ZNF131: variants seen among roughly 807,000 people sequenced by gnomAD.
ZNF131 encodes the protein zinc finger protein 131.
In ZNF131, 7 loss-of-function variants were observed where a neutral mutation model predicts 60.0. The observed-to-expected ratio is 0.12, with a 90% confidence interval of 0.07 to 0.22. The LOEUF (loss-of-function observed/expected upper bound fraction) is 0.22, where lower values mean the gene tolerates loss of function less well. ZNF131 is among the 10% of genes least tolerant of loss of function. The pLI, the probability that ZNF131 is intolerant of heterozygous loss-of-function variation, is 1.00. For synonymous variants in ZNF131, 257 were observed against 253.2 expected (o/e 1.01, Z -0.14); for missense variants, 493 against 740.9 (o/e 0.67, Z 3.88).
chr5:43,123,080 A>G (rs1190609576), intron 2 of ZNF131, 129 bp from the exon 3 acceptor site: 16 of 639,782 alleles, frequency 2.5e-5, no homozygotes, highest in South Asian at 1.3e-4. Context: ...ATTTAGTTCA[A>G]TAATTTCTGT....
Position 43,174,847 on chromosome 5 carries a change from G to A in ZNF131, c.1586G>A (p.Arg529Gln), listed in dbSNP as rs749145620. Residue 529 changes from arginine to glutamine, a missense_variant, in exon 7 of 7, where the codon CGA (arginine) becomes CAA (glutamine). Arg to Gln is a conservative substitution (Grantham distance 43). Around this residue, in one of 7 missense-constraint regions of ZNF131, gnomAD observed 202 missense variants for 221.3 expected, o/e 0.91. Transcript: ENST00000682664. ...QVQVSYLEVG[R>Q]IQTEEGTEVH... The stretch of plus-strand genomic sequence containing the variant: ...CAAGTGAGTTATCTAGAAGTGGGCC[G>A]AATTCAGACTGAAGAAGGTACTGAA... 2.8e-5 allele frequency: 46 copies of A among 1,614,110 alleles called. No homozygotes were observed. Among genetic ancestry groups the A allele is most frequent in the Non-Finnish European group, 3.6e-5 (42 of 1,180,020 alleles).
intron 3 of ZNF131, among the ~76,000 whole-genome samples, chr5:43,134,560 A>G (rs947144740): frequency 2.0e-5 from 3 of 152,184 alleles, no homozygotes; most frequent in South Asian, 2.1e-4. Flanking sequence ...GAAGGAATCA[A>G]TCTCTTTTTG....
chr5:43,172,617 C>CAAAAA (rs36072959), intron 5 of ZNF131, among the ~76,000 whole-genome samples: 1 of 131,114 alleles, frequency 7.6e-6, no homozygotes, highest in Non-Finnish European at 1.6e-5. Context: ...GTAAGACTCT[C>CAAAAA]AAAAAAAAAA....
chr5:43,121,943 A>G, intron 1 of ZNF131, 96 bp from the exon 2 acceptor site: 1 of 1,318,384 alleles, frequency 7.6e-7, no homozygotes, highest in Non-Finnish European at 1.0e-6. Context: ...CCTTCTTTTC[A>G]CGTTGCTGGT....
At chr5:43,130,249 G>GTTC (rs1745130298) in intron 3 of ZNF131, among the ~76,000 whole-genome samples, 1 of 71,712 alleles carries the variant, frequency 1.4e-5, no homozygotes, top group Non-Finnish European at 2.9e-5. Flanking sequence ...GAGCGATAGA[G>GTTC]TAAGACTCTG....
At chr5:43,152,401 G>C (rs1404954446) in intron 4 of ZNF131, among the ~76,000 whole-genome samples, 1 of 152,110 alleles carries the variant, frequency 6.6e-6, no homozygotes, top group African/African-American at 2.4e-5. Context: ...TGGTAGTGGA[G>C]CATGGTGTTT....
At chr5:43,158,802 C>T (rs929533571) in intron 4 of ZNF131, among the ~76,000 whole-genome samples, 2 of 151,606 alleles carry the variant, frequency 1.3e-5, no homozygotes, top group Non-Finnish European at 2.9e-5. Context: ...CCCTCAAATC[C>T]GATCAGTTGC....
intron 4 of ZNF131, among the ~76,000 whole-genome samples, chr5:43,152,697 T>G (rs6884303): frequency 6.6e-6 from 1 of 151,984 alleles, no homozygotes; most frequent in Admixed American, 6.5e-5. Flanking sequence ...GCTGTAACTT[T>G]CCAGGCTCAG....
At chr5:43,153,595 C>T (rs1293053027) in intron 4 of ZNF131, among the ~76,000 whole-genome samples, 5 of 151,576 alleles carry the variant, frequency 3.3e-5, no homozygotes, top group Non-Finnish European at 5.9e-5. Flanking sequence ...TAAGCGAGAT[C>T]GTGCCATTGC....
At chr5:43,124,168 A>G (rs1464167331) in intron 3 of ZNF131, 1 of 152,194 alleles carries the variant, frequency 6.6e-6, no homozygotes, top group Non-Finnish European at 1.5e-5. Flanking sequence ...CAGGCTCTAA[A>G]AGGTTACTTG....
chr5:43,171,970 G>T (rs1048730652), intron 5 of ZNF131, among the ~76,000 whole-genome samples: 4 of 152,116 alleles, frequency 2.6e-5, no homozygotes, highest in African/African-American at 7.2e-5. Flanking sequence ...TGCCCAGGCT[G>T]TTCCCGTCAA....
rs753051833 is a variant in ZNF131, at chr5:43,175,329, A to G, written c.*196A>G. 29 of 684,972 alleles carry G rather than the reference A, an allele frequency of 4.2e-5. No individual in the cohort carries two copies. Among genetic ancestry groups the G allele is most frequent in the Non-Finnish European group, 6.9e-5 (27 of 392,880 alleles). 42.4% of individuals were successfully genotyped at this position (684,972 alleles called of 1,614,324 possible). The stretch of plus-strand genomic sequence containing the variant: ...TTGCCACAGAGGAGGGATCTTTTCC[A>G]TAACTGAAGGGGAGTTTTGAGAAGT... On this transcript the variant is annotated 3_prime_UTR_variant, in exon 7 of 7. Transcript: ENST00000682664.
At chr5:43,121,322 C>G (rs577028104) in intron 1 of ZNF131, among the ~76,000 whole-genome samples, 199 bp downstream of exon 1, 6 of 152,312 alleles carry the variant, frequency 3.9e-5, no homozygotes, top group African/African-American at 1.4e-4. Flanking sequence ...TCTGGCCCTG[C>G]CAGGCTCTGC....
Position 43,163,034 on chromosome 5 carries a change from C to T in ZNF131, c.1054+1103C>T, listed in dbSNP as rs1422785179. ...TTGCCCAGGCTGGAGTGCAGTGGCA[C>T]GATCTTGGCTCACTGTAACCTCCGC... is the stretch of plus-strand genomic sequence containing the variant. On this transcript the variant is annotated intron_variant, in intron 5 of 6. Transcript: ENST00000682664. Among the ~76,000 whole-genome samples the T allele has an allele frequency of 7.3e-5, 9 of 123,040 alleles. No homozygotes were observed. The East Asian group carries it at 2.2e-3, about 30-fold the overall frequency. The allele number at this position is 123,040 out of a possible 152,430, so 80.7% of individuals were successfully genotyped here.
At chr5:43,139,113 G>A in intron 3 of ZNF131, 52 bp from the exon 4 acceptor site, 2 of 1,382,252 alleles carry the variant, frequency 1.4e-6, no homozygotes, top group Non-Finnish European at 1.9e-6. Context: ...ACTAAACATT[G>A]TAAGATTTGA....
At chr5:43,157,508 A>G (rs978902891) in intron 4 of ZNF131, among the ~76,000 whole-genome samples, 6 of 152,108 alleles carry the variant, frequency 3.9e-5, no homozygotes, top group African/African-American at 1.4e-4. Context: ...TTGATAAAAG[A>G]GTCTCTCTCC....
intron 2 of ZNF131, among the ~76,000 whole-genome samples, chr5:43,122,907 A>G (rs943665283): frequency 1.3e-5 from 2 of 152,092 alleles, no homozygotes; most frequent in Non-Finnish European, 2.9e-5. Flanking sequence ...ACTGAGTTGG[A>G]TATGCTTCTC....
Position 43,173,466 on chromosome 5 carries a change from C to T in ZNF131, c.1185+18C>T, listed in dbSNP as rs1271419211. ...AATGCCAGGTATGTGCAGATACATA[C>T]ATTCAGTTCTTAACAAAGGAGTCTT... On this transcript the variant is annotated intron_variant, in intron 6 of 6. Coordinates refer to ENST00000682664, the MANE Select transcript of ZNF131 (RefSeq NM_001330707.2). The T allele has an allele frequency of 1.9e-6, 3 of 1,605,706 alleles. No individual in the cohort carries two copies. The highest frequency in any genetic ancestry group is 1.7e-5 in the Admixed American group (1 of 59,262).
intron 5 of ZNF131, 102 bp downstream of exon 5, chr5:43,162,033 A>C: frequency 1.2e-4 from 137 of 1,103,034 alleles, no homozygotes; most frequent in Middle Eastern, 2.9e-4. Flanking sequence ...AAGCCATCTC[A>C]TGTATTATCT....
Sources: gnomAD v4.1 joint callset for allele counts (sites outside exome capture counted in the v4.1 genomes callset) on GRCh38, gnomAD v4.1.1 for gene constraint, gnomAD v4.1.1 regional missense constraint, MANE v1.5 for transcripts, NCBI Gene and HGNC (gene_info 2026-07-23, HGNC 2026-07-21) for gene names.